C13orf42: variants seen among roughly 807,000 people sequenced by gnomAD.
C13orf42 encodes chromosome 13 open reading frame 42.
At chr13:51,136,524 A>C (rs1040094768) in intron 1 of C13orf42, among the ~76,000 whole-genome samples, 4 of 152,176 alleles carry the variant, frequency 2.6e-5, no homozygotes, top group Admixed American at 6.5e-5. Context: ...TAAGCTCTAA[A>C]GTGCAGCCCC....
chr13:51,156,309 T>C (rs997535535), intron 1 of C13orf42, among the ~76,000 whole-genome samples: 4 of 152,188 alleles, frequency 2.6e-5, no homozygotes, highest in Admixed American at 6.5e-5. Context: ...AACAGAGTAA[T>C]CGGTAACACA....
chr13:51,106,937 T>C (rs539698938), intron 1 of C13orf42, among the ~76,000 whole-genome samples: 1 of 152,344 alleles, frequency 6.6e-6, no homozygotes, highest in South Asian at 2.1e-4. Flanking sequence ...GTTGTTTTGA[T>C]TTTAAAATGT....
intron 1 of C13orf42, among the ~76,000 whole-genome samples, chr13:51,164,175 G>A (rs1333493320): frequency 6.6e-6 from 1 of 152,276 alleles, no homozygotes; most frequent in East Asian, 1.9e-4. Flanking sequence ...TTGAAGTCAT[G>A]TCTACTGATA....
upstream of C13orf42, among the ~76,000 whole-genome samples, chr13:51,112,123 C>T (rs1463376142): frequency 6.6e-6 from 1 of 152,214 alleles, no homozygotes; most frequent in Non-Finnish European, 1.5e-5. Flanking sequence ...GAGATGTTCT[C>T]TGTAGCATTT....
chr13:51,155,659 CCTTT>C (rs1156566510), intron 1 of C13orf42, among the ~76,000 whole-genome samples: 5 of 152,226 alleles, frequency 3.3e-5, no homozygotes, highest in African/African-American at 1.2e-4. Flanking sequence ...CTGCACACTT[CCTTT>C]CTCAGTATAT....
Position 51,111,153 on chromosome 13 carries a change from G to A in C13orf42, c.57C>T (p.Ala19=), listed in dbSNP as rs560243229. The part of the protein sequence containing the change: ...FNSSPQRKTA[A]ESPFYEGASP... ...TGGCTCCTTCGTAGAAGGGGCTCTCGGCCGCCGTCTTTCTCTGTGGGCTGG... is the reference window on the plus strand; with the variant it reads ...TGGCTCCTTCGTAGAAGGGGCTCTCAGCCGCCGTCTTTCTCTGTGGGCTGG... The change falls in exon 1 of 4, where the codon GCC becomes GCT. Residue 19 remains alanine, a synonymous_variant. Transcript: ENST00000563710. 8 of 398,620 alleles carry A rather than the reference G, an allele frequency of 2.0e-5. No homozygotes were observed. Among genetic ancestry groups the A allele is most frequent in the Middle Eastern group, 6.3e-4 (1 of 1,590 alleles). 24.7% of individuals were successfully genotyped at this position (398,620 alleles called of 1,614,324 possible). A position where few individuals can be genotyped will look rare whatever the true frequency, so the allele number is the denominator to read the frequency against.
intron 1 of C13orf42, among the ~76,000 whole-genome samples, chr13:51,167,588 G>A (rs1391058416): frequency 6.6e-6 from 1 of 152,178 alleles, no homozygotes; most frequent in Non-Finnish European, 1.5e-5. Context: ...TGGGTGCATG[G>A]GAGGGAGAAA....
chr13:51,105,924 C>T (rs1953349926), intron 1 of C13orf42, among the ~76,000 whole-genome samples: 1 of 152,186 alleles, frequency 6.6e-6, no homozygotes, highest in African/African-American at 2.4e-5. Flanking sequence ...GATTCTTCAT[C>T]TCAGATACTT....
At chr13:51,161,650 T>C (rs1953865248) in intron 1 of C13orf42, 1 of 179,270 alleles carries the variant, frequency 5.6e-6, no homozygotes, top group South Asian at 1.3e-4. Flanking sequence ...GCCTCATCCA[T>C]TCCTTCCCAT....
intron 1 of C13orf42, among the ~76,000 whole-genome samples, chr13:51,161,383 C>T (rs919333288): frequency 6.6e-5 from 10 of 152,044 alleles, no homozygotes; most frequent in African/African-American, 2.4e-4. Flanking sequence ...CCATGAGGGC[C>T]TTACCCACCC....
chr13:51,170,752 G>A (rs1205956425), intron 1 of C13orf42, among the ~76,000 whole-genome samples: 6 of 152,152 alleles, frequency 3.9e-5, no homozygotes, highest in African/African-American at 1.4e-4. Flanking sequence ...CGCCTGCCTT[G>A]GTCCTTCACC....
chr13:51,093,747 A>G (rs1207025104), intron 1 of C13orf42, among the ~76,000 whole-genome samples: 1 of 152,144 alleles, frequency 6.6e-6, no homozygotes, highest in Non-Finnish European at 1.5e-5. Flanking sequence ...ATCATTGTCT[A>G]GATTCATTAT....
intron 1 of C13orf42, among the ~76,000 whole-genome samples, chr13:51,135,894 A>T (rs1188171507): frequency 6.6e-6 from 1 of 152,138 alleles, no homozygotes; most frequent in African/African-American, 2.4e-5. Context: ...AAATAGAAAC[A>T]ACTTGTATAT....
intron 1 of C13orf42, among the ~76,000 whole-genome samples, chr13:51,088,900 C>T (rs925287476): frequency 1.3e-5 from 2 of 152,098 alleles, no homozygotes; most frequent in South Asian, 2.1e-4. Context: ...ACAACAATCC[C>T]GTCATGAGTG....
chr13:51,159,144 C>G (rs956232503), intron 1 of C13orf42, among the ~76,000 whole-genome samples: 3 of 152,194 alleles, frequency 2.0e-5, no homozygotes, highest in Non-Finnish European at 4.4e-5. Context: ...CCACCACCCC[C>G]ACCAATCATG....
chr13:51,143,580 C>T (rs1001554476), intron 1 of C13orf42, among the ~76,000 whole-genome samples: 2 of 152,158 alleles, frequency 1.3e-5, no homozygotes, highest in Admixed American at 6.5e-5. Context: ...AAAATGAAGT[C>T]TCCTCTCTCA....
At chr13:51,095,961 T>C (rs1278872120) in intron 1 of C13orf42, among the ~76,000 whole-genome samples, 2 of 152,210 alleles carry the variant, frequency 1.3e-5, no homozygotes, top group Non-Finnish European at 2.9e-5. Flanking sequence ...TGTAGGTCAG[T>C]AGACACTGAG....
chr13:51,164,843 G>A (rs1253230840), intron 1 of C13orf42, among the ~76,000 whole-genome samples: 1 of 152,172 alleles, frequency 6.6e-6, no homozygotes, highest in Non-Finnish European at 1.5e-5. Context: ...ATTTGACATG[G>A]ACTGAGATCA....
At chr13:51,163,769 T>C (rs1953884125) in intron 1 of C13orf42, among the ~76,000 whole-genome samples, 1 of 152,154 alleles carries the variant, frequency 6.6e-6, no homozygotes, top group Non-Finnish European at 1.5e-5. Context: ...ATAGGATTAT[T>C]CTCAGGGTAT....
Sources: allele counts gnomAD v4.1 joint callset (sites outside exome capture counted in the v4.1 genomes callset), GRCh38; gene constraint gnomAD v4.1.1; transcripts MANE v1.5; gene names NCBI Gene and HGNC (gene_info 2026-07-23, HGNC 2026-07-21).